The following VDR variants were observed in gnomAD, a reference collection of about 807,000 sequenced individuals.
The protein encoded by VDR is vitamin D3 receptor.
Under a neutral mutation model 39.7 loss-of-function variants are expected in VDR, and 19 were observed. The observed-to-expected ratio is 0.48, with a 90% CI of 0.33 to 0.70. The LOEUF is 0.70. Among genes scored for constraint, VDR ranks in the 30% least tolerant of loss-of-function variants. The pLI is 0.02. For missense variants in VDR, 442 were observed against 570.5 expected, an observed-to-expected ratio of 0.77 and a Z score of 2.29; for synonymous variants, 242 against 215.8, an observed-to-expected ratio of 1.12 and a Z score of -1.07.
rs1014888008 is a variant in VDR, at chr12:47,874,525, G to A, written c.146+4443C>T. Among the ~76,000 whole-genome samples the A allele has an allele frequency of 8.5e-5, 13 of 152,074 alleles. No individual in the cohort carries two copies. The East Asian group carries it at 9.6e-4, about 11-fold the overall frequency. On this transcript the variant is annotated intron_variant, in intron 3 of 9. Coordinates refer to ENST00000549336, the MANE Select transcript of VDR (RefSeq NM_000376.3). ...GCCTACCTTTTGCCCCCTGCACTCC[G>A]CATGACCCATAATTAACAAAGTCCT...
chr12:47,886,333 C>T (rs1946251927), intron 1 of VDR, among the ~76,000 whole-genome samples: 3 of 152,188 alleles, frequency 2.0e-5, no homozygotes, highest in Non-Finnish European at 4.4e-5. Flanking sequence ...CACTGCATGA[C>T]CTACCTAACT....
intron 9 of VDR, among the ~76,000 whole-genome samples, chr12:47,845,335 C>T (rs1370662355): frequency 6.6e-6 from 1 of 151,678 alleles, no homozygotes; most frequent in East Asian, 2.0e-4. Flanking sequence ...GCTCCCTCTG[C>T]TTGGAACTCT....
At chr12:47,849,793 G>T (rs1254006093) in intron 7 of VDR, among the ~76,000 whole-genome samples, 1 of 152,048 alleles carries the variant, frequency 6.6e-6, no homozygotes, top group Non-Finnish European at 1.5e-5. Context: ...AATTAAATTT[G>T]CTCATAACCA....
intron 7 of VDR, among the ~76,000 whole-genome samples, chr12:47,848,995 G>C (rs1247387110): frequency 6.6e-6 from 1 of 152,206 alleles, no homozygotes; most frequent in Non-Finnish European, 1.5e-5. Flanking sequence ...TTGATGATTT[G>C]AGAGGCCAAT....
chr12:47,901,322 G>C (rs1233277870), intron 1 of VDR: 1 of 155,184 alleles, frequency 6.4e-6, no homozygotes, highest in Non-Finnish European at 1.5e-5. Flanking sequence ...GAGGACCCAG[G>C]ACCCAGAAGG....
In VDR at chr12:47,841,888, A is replaced by C. The variant is rs1945178072; in HGVS notation, c.*2858T>G. The C allele has an allele frequency of 1.3e-5, 2 of 152,296 alleles. No homozygotes were observed. Among genetic ancestry groups the C allele is most frequent in the Admixed American group, 1.3e-4 (2 of 15,282 alleles). The allele number at this position is 152,296 out of a possible 1,614,324, so 9.4% of individuals were successfully genotyped here. Reference sequence around the variant, plus strand: ...CCTTCTCCTTCAGTTATAATGATATACCTTAAAAGTTTTACATTTACAAAT... The same window carrying C: ...CCTTCTCCTTCAGTTATAATGATATCCCTTAAAAGTTTTACATTTACAAAT... On this transcript the variant is annotated 3_prime_UTR_variant, in exon 10 of 10. Coordinates refer to ENST00000549336, the MANE Select transcript of VDR (RefSeq NM_000376.3).
intron 1 of VDR, among the ~76,000 whole-genome samples, chr12:47,902,604 G>GGACAA (rs1300584438): frequency 5.9e-5 from 9 of 152,298 alleles, no homozygotes; most frequent in African/African-American, 2.2e-4. Context: ...ATGGAAGCTG[G>GGACAA]AGCCCTGTAA....
Position 47,899,906 on chromosome 12 carries a change from T to C in VDR, c.-84+5049A>G, listed in dbSNP as rs375028056. On this transcript the variant is annotated intron_variant, in intron 1 of 9. Coordinates refer to ENST00000549336, the MANE Select transcript of VDR (RefSeq NM_000376.3). ...GTGCACGGGGCCTGGCATGAGGCTA[T>C]CAGAGGAGGCTAGAGTCCATTTCTC... The C allele has an allele frequency of 8.8e-5, 87 of 985,610 alleles. No individual in the cohort carries two copies. In the African/African-American group the frequency reaches 1.4e-3, roughly 15 times the overall value. 61.1% of individuals were successfully genotyped at this position (985,610 alleles called of 1,614,324 possible).
chr12:47,867,460 T>C (rs563698889), intron 3 of VDR, among the ~76,000 whole-genome samples: 6 of 152,252 alleles, frequency 3.9e-5, no homozygotes, highest in African/African-American at 1.4e-4. Context: ...AGGGCTCATT[T>C]TCCTAATTCG....
At chr12:47,857,358 C>A (rs950888365) in intron 5 of VDR, 109 bp from the exon 6 acceptor site, 51 of 1,604,938 alleles carry the variant, frequency 3.2e-5, no homozygotes, top group Non-Finnish European at 4.1e-5. Flanking sequence ...GAAGGCGAAG[C>A]CTCCCAGTGC....
At chr12:47,861,694 T>A (rs1938697113) in intron 4 of VDR, among the ~76,000 whole-genome samples, 4 of 151,958 alleles carry the variant, frequency 2.6e-5, no homozygotes, top group Admixed American at 2.0e-4. Context: ...GTGCATGAGT[T>A]TTGGCATGTG....
intron 7 of VDR, among the ~76,000 whole-genome samples, chr12:47,848,555 C>T (rs1486637057): frequency 8.6e-5 from 5 of 58,162 alleles, no homozygotes; most frequent in East Asian, 6.5e-4. Context: ...TTTTCTACTC[C>T]TTTTTTTTTT....
chr12:47,897,700 C>CT lies in VDR; in HGVS notation c.-84+7254dup, dbSNP rs1301309523. Among the ~76,000 whole-genome samples, 4 of 152,270 alleles carry CT rather than the reference C, an allele frequency of 2.6e-5. No individual in the cohort carries two copies. The East Asian group carries it at 7.7e-4, about 29-fold the overall frequency. ...GGGATTCTCTACAGGCATTTGGCTC[C>CT]TTTCCCCATGGCATCGCCTCTGTTC... On this transcript the variant is annotated intron_variant, in intron 1 of 9. Coordinates refer to ENST00000549336, the MANE Select transcript of VDR (RefSeq NM_000376.3).
intron 6 of VDR, among the ~76,000 whole-genome samples, 179 bp downstream of exon 6, chr12:47,856,950 G>A (rs568845362): frequency 2.0e-5 from 3 of 152,354 alleles, no homozygotes; most frequent in African/African-American, 7.2e-5. Flanking sequence ...GGGCCCTTGG[G>A]TAAGTCACCC....
At chr12:47,859,794 G>T (rs555073153) in intron 4 of VDR, among the ~76,000 whole-genome samples, 14 of 151,590 alleles carry the variant, frequency 9.2e-5, no homozygotes, top group Non-Finnish European at 1.6e-4. Flanking sequence ...GTTACTTAAG[G>T]GCAGGGTCCA....
In VDR at chr12:47,901,684, G is replaced by A. The variant is rs576000926; in HGVS notation, c.-84+3271C>T. Among the ~76,000 whole-genome samples, 4 of 152,340 alleles carry A rather than the reference G, an allele frequency of 2.6e-5. No homozygotes were observed. The East Asian group carries it at 7.7e-4, about 29-fold the overall frequency. ...GGATAGTGTGGTCCCCAGAGGTCTG[G>A]GAAGCTGGATGAGCAAAATGTGGAG... On this transcript the variant is annotated intron_variant, in intron 1 of 9. Transcript: ENST00000549336.
At chr12:47,896,508 A>G (rs1946467545) in intron 1 of VDR, 1 of 152,232 alleles carries the variant, frequency 6.6e-6, no homozygotes, top group Admixed American at 6.5e-5. Flanking sequence ...GGAGTTACGC[A>G]CAGAGCTCTC....
chr12:47,859,516 C>G (rs931174255), intron 4 of VDR, among the ~76,000 whole-genome samples: 8 of 152,296 alleles, frequency 5.3e-5, no homozygotes, highest in Admixed American at 3.9e-4. Flanking sequence ...TTCTCTCCCC[C>G]AAACCTGTAT....
rs889752517 is a variant in VDR, at chr12:47,865,030, AG to A, written c.277+16del. On this transcript the variant is annotated intron_variant, in intron 4 of 9. Coordinates refer to ENST00000549336, the MANE Select transcript of VDR (RefSeq NM_000376.3). ...TCCACTTCAGGCCCAAACCCTGCCC[AG>A]CCCCTGGACACTCACACTCCTTCAT... The A allele has an allele frequency of 1.9e-6, 3 of 1,612,690 alleles. No homozygotes were observed. The highest frequency in any genetic ancestry group is 2.5e-6 in the Non-Finnish European group (3 of 1,178,896).
Sources: gnomAD v4.1 joint callset for allele counts (sites outside exome capture counted in the v4.1 genomes callset) on GRCh38, gnomAD v4.1.1 for gene constraint, MANE v1.5 for transcripts, NCBI Gene and HGNC (gene_info 2026-07-23, HGNC 2026-07-21) for gene names.